The following CNTNAP4 variants were observed in gnomAD, a reference collection of about 807,000 sequenced individuals.
CNTNAP4 encodes contactin associated protein family member 4, also known as contactin-associated protein-like 4.
A neutral mutation model predicts 148.4 loss-of-function variants in CNTNAP4; 98 were observed. That is an observed-to-expected ratio of 0.66 (90% CI 0.56 to 0.78). The LOEUF (loss-of-function observed/expected upper bound fraction) is 0.78. CNTNAP4 is among the 30% of genes least tolerant of loss of function. CNTNAP4 has a pLI of 0.00. For missense variants in CNTNAP4, 1,935 were observed against 1,565.6 expected (o/e 1.24, Z -3.98); for synonymous variants, 730 against 565.1 (o/e 1.29, Z -4.14).
chr16:76,427,703 A>G (rs910707478), intron 4 of CNTNAP4, 104 bp downstream of exon 4: 6 of 1,047,258 alleles, frequency 5.7e-6, no homozygotes, highest in Non-Finnish European at 8.0e-6. Context: ...AAAGAGGTAT[A>G]AAAAATAGGA....
chr16:76,525,859 C>A (rs918125786), intron 17 of CNTNAP4, among the ~76,000 whole-genome samples: 2 of 147,534 alleles, frequency 1.4e-5, no homozygotes, highest in East Asian at 3.9e-4. Context: ...ACATATATAA[C>A]TATATATAAA....
intron 2 of CNTNAP4, among the ~76,000 whole-genome samples, chr16:76,320,218 T>C (rs747576743): frequency 4.6e-5 from 7 of 152,178 alleles, no homozygotes; most frequent in Non-Finnish European, 8.8e-5. Flanking sequence ...CGAATTGTGT[T>C]CTAATGCTGG....
chr16:76,479,198 T>A (rs2081711442), intron 11 of CNTNAP4, among the ~76,000 whole-genome samples: 1 of 152,100 alleles, frequency 6.6e-6, no homozygotes, highest in South Asian at 2.1e-4. Context: ...CTTTAGTGAT[T>A]AAAAAAAGTC....
At chr16:76,286,309 T>C (rs1958883264) in intron 1 of CNTNAP4, among the ~76,000 whole-genome samples, 1 of 151,672 alleles carries the variant, frequency 6.6e-6, no homozygotes, top group Non-Finnish European at 1.5e-5. Flanking sequence ...TTGAATTAAA[T>C]AGTGATGGGA....
chr16:76,488,161 C>T (rs866248428), intron 12 of CNTNAP4, among the ~76,000 whole-genome samples: 5 of 152,222 alleles, frequency 3.3e-5, no homozygotes, highest in Middle Eastern at 6.8e-3. Flanking sequence ...TTTCAGACCT[C>T]GTTCTGCCAA....
chr16:76,535,489 A>T, intron 17 of CNTNAP4, 56 bp from the exon 18 acceptor site: 1 of 1,588,082 alleles, frequency 6.3e-7, no homozygotes, highest in Non-Finnish European at 8.6e-7. Context: ...TTTGGTCTTT[A>T]AACCCTGAAT....
chr16:76,533,922 C>T (rs1212516292), intron 17 of CNTNAP4, among the ~76,000 whole-genome samples: 1 of 152,284 alleles, frequency 6.6e-6, no homozygotes, highest in African/African-American at 2.4e-5. Context: ...TTTGAATAGA[C>T]ATTTAAATAC....
Position 76,521,328 on chromosome 16 carries a change from G to T in CNTNAP4, c.2536+18G>T. On this transcript the variant is annotated intron_variant, in intron 16 of 23. Coordinates refer to ENST00000611870, the MANE Select transcript of CNTNAP4 (RefSeq NM_033401.5). ...GCTTCGCTGTAAGTCTCCTTTTCCA[G>T]AGAAGTGTATGAGATTCTATCATTT... 6.3e-7 allele frequency: 1 copy of T among 1,587,062 alleles called. No individual in the cohort carries two copies. The highest frequency in any genetic ancestry group is 8.6e-7 in the Non-Finnish European group (1 of 1,168,426).
In CNTNAP4 at chr16:76,489,714, C is replaced by T. The variant is rs148411005; in HGVS notation, c.1911C>T (p.Asn637=). ...CTGCATGGACCATCATACAGCACAA[C>T]GGCTCTGACTTAACAAGAGTCAGAA... The part of the protein sequence containing the change: ...TETAWTIIQH[N]GSDLTRVRNT... Residue 637 remains asparagine, a synonymous_variant, in exon 13 of 24, where the codon AAC becomes AAT. Transcript: ENST00000611870. 5.2e-5 allele frequency: 83 copies of T among 1,601,732 alleles called. No homozygotes were observed. Among genetic ancestry groups the T allele is most frequent in the Middle Eastern group, 1.7e-4 (1 of 6,058 alleles).
At chr16:76,369,271 AT>A (rs907884959) in intron 3 of CNTNAP4, among the ~76,000 whole-genome samples, 3 of 152,166 alleles carry the variant, frequency 2.0e-5, no homozygotes, top group Non-Finnish European at 4.4e-5. Context: ...ATTTCATATA[AT>A]TTTTCTTTAA....
chr16:76,427,487 G>A lies in CNTNAP4; in HGVS notation c.426G>A (p.Val142=). The A allele has an allele frequency of 1.9e-6, 3 of 1,612,856 alleles. No individual in the cohort carries two copies. In the Middle Eastern group the frequency reaches 5.0e-4, roughly 266 times the overall value. Residue 142 remains valine, a synonymous_variant, in exon 4 of 24, where the codon GTG becomes GTA. Coordinates refer to ENST00000611870, the MANE Select transcript of CNTNAP4 (RefSeq NM_033401.5). ...GAAATGCAAATGCAGACAGTGTTGTGTACTATAGACTCCAGCCTTCTATCA... is the reference window on the plus strand; with the variant it reads ...GAAATGCAAATGCAGACAGTGTTGTATACTATAGACTCCAGCCTTCTATCA... ...FSGNANADSV[V]YYRLQPSIKA...
intron 23 of CNTNAP4, among the ~76,000 whole-genome samples, chr16:76,555,252 C>T (rs1397264323): frequency 6.6e-6 from 1 of 152,008 alleles, no homozygotes; most frequent in Non-Finnish European, 1.5e-5. Context: ...ATATTAACTC[C>T]CCCATGCTAT....
At chr16:76,494,527 A>G (rs1301261190) in intron 13 of CNTNAP4, among the ~76,000 whole-genome samples, 2 of 152,104 alleles carry the variant, frequency 1.3e-5, no homozygotes, top group Admixed American at 6.5e-5. Flanking sequence ...TTTCAAATCA[A>G]TTTTGCTTTG....
intron 1 of CNTNAP4, among the ~76,000 whole-genome samples, chr16:76,300,389 C>G (rs1484877732): frequency 6.6e-6 from 1 of 151,854 alleles, no homozygotes; most frequent in Non-Finnish European, 1.5e-5. Context: ...CATCACACAC[C>G]AGGGCCTGTC....
At chr16:76,404,278 T>C (rs2078523428) in intron 3 of CNTNAP4, among the ~76,000 whole-genome samples, 1 of 148,786 alleles carries the variant, frequency 6.7e-6, no homozygotes, top group African/African-American at 2.5e-5. Flanking sequence ...GTCAAAAAAA[T>C]TAAAAAATAA....
intron 1 of CNTNAP4, among the ~76,000 whole-genome samples, chr16:76,279,022 A>G (rs1442905527): frequency 6.6e-6 from 1 of 152,240 alleles, no homozygotes; most frequent in African/African-American, 2.4e-5. Flanking sequence ...TAATCTCATA[A>G]GTCAATAAAA....
At chr16:76,516,869 G>A (rs1456206386) in intron 15 of CNTNAP4, among the ~76,000 whole-genome samples, 3 of 152,124 alleles carry the variant, frequency 2.0e-5, no homozygotes, top group African/African-American at 7.2e-5. Context: ...TTCGAGACCA[G>A]CCTGGCCAAC....
At chr16:76,298,239 C>G (rs1453290178) in intron 1 of CNTNAP4, among the ~76,000 whole-genome samples, 2 of 152,134 alleles carry the variant, frequency 1.3e-5, no homozygotes, top group Non-Finnish European at 2.9e-5. Context: ...CATCTGGAGG[C>G]CATTCCAAGC....
chr16:76,336,466 C>T (rs1282365429), intron 2 of CNTNAP4, among the ~76,000 whole-genome samples: 1 of 152,140 alleles, frequency 6.6e-6, no homozygotes, highest in African/African-American at 2.4e-5. Context: ...AGTTATTAAA[C>T]ACTTACCAGC....
Sources: allele counts gnomAD v4.1 joint callset (sites outside exome capture counted in the v4.1 genomes callset), GRCh38; gene constraint gnomAD v4.1.1; transcripts MANE v1.5; gene names NCBI Gene and HGNC (gene_info 2026-07-23, HGNC 2026-07-21).